The following BBS12 variants were observed in gnomAD, a reference collection of about 807,000 sequenced individuals.
BBS12 encodes the protein chaperonin-containing T-complex member BBS12.
A neutral mutation model predicts 5.6 loss-of-function variants in BBS12; 5 were observed. That is an observed-to-expected ratio of 0.89 (90% confidence interval 0.46 to 1.86). The LOEUF is 1.86. Among genes scored for constraint, BBS12 ranks in the 40% most tolerant of loss-of-function variants. The probability of loss-of-function intolerance (pLI) is 0.01; values close to 1 mark genes in which losing one functional copy is unlikely to be tolerated. For missense variants in BBS12, 748 were observed against 830.4 expected, an observed-to-expected ratio of 0.90 and a Z score of 1.22; for synonymous variants, 308 against 306.8, an observed-to-expected ratio of 1.00 and a Z score of -0.04.
At chr4:122,723,589 G>T in the BBS12 span, among the ~76,000 whole-genome samples, 1 of 152,126 alleles carries the variant, frequency 6.6e-6, no homozygotes, top group African/African-American at 2.4e-5. Context: ...TGTCTTTGGA[G>T]TTGCAAAAGT....
chr4:122,725,281 A>G, the BBS12 span, among the ~76,000 whole-genome samples: 1 of 152,194 alleles, frequency 6.6e-6, no homozygotes, highest in African/African-American at 2.4e-5. Flanking sequence ...TTCATATGGA[A>G]CCACAAAAGA....
At chr4:122,713,869 T>TA in the BBS12 span, among the ~76,000 whole-genome samples, 2 of 152,282 alleles carry the variant, frequency 1.3e-5, no homozygotes, top group Non-Finnish European at 2.9e-5. Flanking sequence ...TTCTTCCAGG[T>TA]AAAAATATCT....
At chr4:122,725,583 C>T in the BBS12 span, among the ~76,000 whole-genome samples, 1 of 152,124 alleles carries the variant, frequency 6.6e-6, no homozygotes, top group Non-Finnish European at 1.5e-5. Context: ...GAAACTAGAT[C>T]CTCATCTCTC....
chr4:122,744,828 A>AT lies in BBS12; in HGVS notation c.*803_*804insT, dbSNP rs1332628916. The AT allele has an allele frequency of 1.2e-5, 2 of 167,114 alleles. No homozygotes were observed. 10.4% of individuals were successfully genotyped at this position (167,114 alleles called of 1,614,324 possible). A position where few individuals can be genotyped will look rare whatever the true frequency, so the allele number is the denominator to read the frequency against. Reference sequence around the variant, plus strand: ...GTCCTGTCCCCCAAGGTCTTGACTCAATCAACTCTAAGTTCCAAGGGAGGA... The same window carrying AT: ...GTCCTGTCCCCCAAGGTCTTGACTCATATCAACTCTAAGTTCCAAGGGAGGA... On this transcript the variant is annotated 3_prime_UTR_variant, in exon 2 of 2. Transcript: ENST00000314218.
chr4:122,715,056 A>G, the BBS12 span, among the ~76,000 whole-genome samples: 2 of 152,018 alleles, frequency 1.3e-5, no homozygotes, highest in Admixed American at 6.6e-5. Context: ...AAGGAGAATG[A>G]CAAATTATTC....
the BBS12 span, among the ~76,000 whole-genome samples, chr4:122,704,067 C>A: frequency 6.6e-6 from 1 of 152,150 alleles, no homozygotes; most frequent in African/African-American, 2.4e-5. Flanking sequence ...CCAGGCTGGT[C>A]ATTAACTTTT....
At chr4:122,731,925 G>A (rs1382627599), upstream of BBS12, 1 of 152,124 alleles carries the variant, frequency 6.6e-6, no homozygotes, top group Non-Finnish European at 1.5e-5. Flanking sequence ...GCTAATGCAG[G>A]GCAGGCATAT....
At chr4:122,718,712 G>GTGAAATGAAATAATGAAATGAAA in the BBS12 span, among the ~76,000 whole-genome samples, 13 of 146,200 alleles carry the variant, frequency 8.9e-5, no homozygotes, top group African/African-American at 3.3e-4. Context: ...GGGATTCGAT[G>GTGAAATGAAATAATGAAATGAAA]TGAAATGAAA....
chr4:122,722,046 G>T, the BBS12 span, among the ~76,000 whole-genome samples: 3 of 151,738 alleles, frequency 2.0e-5, no homozygotes, highest in African/African-American at 7.3e-5. Flanking sequence ...TTTTCTCCTG[G>T]AAGCTTTATA....
the BBS12 span, among the ~76,000 whole-genome samples, chr4:122,725,584 C>T: frequency 2.6e-5 from 4 of 152,216 alleles, no homozygotes; most frequent in Middle Eastern, 6.8e-3. Context: ...AAACTAGATC[C>T]TCATCTCTCA....
Position 122,742,605 on chromosome 4 carries a change from A to AT in BBS12, c.714dup (p.Arg239Ter). The AT allele has an allele frequency of 1.2e-6, 2 of 1,614,250 alleles. No individual in the cohort carries two copies. The highest frequency in any genetic ancestry group is 1.7e-6 in the Non-Finnish European group (2 of 1,180,042). On this transcript the variant is annotated frameshift_variant, in exon 2 of 2. Coordinates refer to ENST00000314218, the MANE Select transcript of BBS12 (RefSeq NM_152618.3). LOFTEE classifies it low-confidence loss of function (END_TRUNC). ...ATACTAATCCACAGTAGGCATTTTA[A>AT]TAGGACAGATAATACTGAAGGGGTA... is the stretch of plus-strand genomic sequence containing the variant.
At chr4:122,735,525 G>A (rs1343435582) in intron 1 of BBS12, among the ~76,000 whole-genome samples, 1 of 152,100 alleles carries the variant, frequency 6.6e-6, no homozygotes, top group African/African-American at 2.4e-5. Flanking sequence ...CAATTAAAGG[G>A]CCTCAACTAA....
At chr4:122,707,058 T>TTTC in the BBS12 span, among the ~76,000 whole-genome samples, 43 of 125,386 alleles carry the variant, frequency 3.4e-4, no homozygotes, top group South Asian at 3.1e-4. Flanking sequence ...CTCTCTCTTT[T>TTTC]TTTTTTTTTT....
chr4:122,702,428 A>G, the BBS12 span, among the ~76,000 whole-genome samples: 1 of 152,190 alleles, frequency 6.6e-6, no homozygotes, highest in African/African-American at 2.4e-5. Flanking sequence ...TCTGTTCTTA[A>G]TTTGTCAGTC....
the BBS12 span, among the ~76,000 whole-genome samples, chr4:122,700,471 C>G: frequency 6.6e-6 from 1 of 152,212 alleles, no homozygotes; most frequent in East Asian, 1.9e-4. Context: ...AGTAAGGGAG[C>G]ACAGTCCATG....
intron 1 of BBS12, chr4:122,734,051 G>A (rs1800747587): frequency 6.6e-6 from 1 of 151,852 alleles, no homozygotes; most frequent in African/African-American, 2.4e-5. Context: ...CGCAAGTATT[G>A]TAATCATTGA....
At chr4:122,741,369 T>C (rs1487161970) in intron 1 of BBS12, among the ~76,000 whole-genome samples, 1 of 152,164 alleles carries the variant, frequency 6.6e-6, no homozygotes, top group Non-Finnish European at 1.5e-5. Context: ...GTATTTTTAG[T>C]AGAGACGAGG....
chr4:122,743,723 T>C lies in BBS12; in HGVS notation c.1831T>C (p.Ser611Pro), dbSNP rs1418647705. The change falls in exon 2 of 2, where the codon TCA becomes CCA. Residue 611 changes from serine (S) to proline (P), a missense_variant. Coordinates refer to ENST00000314218, the MANE Select transcript of BBS12 (RefSeq NM_152618.3). The part of the protein sequence containing the change: ...TLLYNTANYS[S>P]EFEASTYIQH... ...CCTATATAACACTGCCAATTACTCA[T>C]CAGAATTTGAAGCCAGCACATACAT... is the stretch of plus-strand genomic sequence containing the variant. 1 of 1,614,192 alleles carries C rather than the reference T, an allele frequency of 6.2e-7. No individual in the cohort carries two copies. Among genetic ancestry groups the C allele is most frequent in the Non-Finnish European group, 8.5e-7 (1 of 1,180,040 alleles).
In BBS12 at chr4:122,743,891, A is replaced by G; in HGVS notation, c.1999A>G (p.Thr667Ala). The G allele has an allele frequency of 1.2e-6, 2 of 1,604,856 alleles. No homozygotes were observed. The highest frequency in any genetic ancestry group is 1.7e-6 in the Non-Finnish European group (2 of 1,175,780). The change falls in exon 2 of 2, where the codon ACA (threonine) becomes GCA (alanine). Residue 667 changes from threonine to alanine, a missense_variant. Physicochemically the swap from Thr to Ala is moderately conservative, Grantham distance 58. Coordinates refer to ENST00000314218, the MANE Select transcript of BBS12 (RefSeq NM_152618.3). Reference protein sequence around the residue: ...EQIPRVYDVVTPKIEAWRRAL... With the variant: ...EQIPRVYDVVAPKIEAWRRAL... ...GATTCCGAGAGTTTATGACGTTGTT[A>G]CACCAAAGATTGAGGCGTGGCGCCG... is the stretch of plus-strand genomic sequence containing the variant.
Sources: gnomAD v4.1 joint callset for allele counts (sites outside exome capture counted in the v4.1 genomes callset) on GRCh38, gnomAD v4.1.1 for gene constraint, MANE v1.5 for transcripts, NCBI Gene and HGNC (gene_info 2026-07-23, HGNC 2026-07-21) for gene names.